Variants in MAGI2 observed in about 807,000 individuals in gnomAD.
The protein encoded by MAGI2 is membrane-associated guanylate kinase, WW and PDZ domain-containing protein 2.
A neutral mutation model predicts 133.3 loss-of-function variants in MAGI2; 35 were observed. The ratio of observed to expected loss-of-function variants is 0.26; its 90% CI spans 0.20 to 0.35. MAGI2 has a LOEUF of 0.35. Among genes scored for constraint, MAGI2 ranks in the 10% least tolerant of loss-of-function variants. MAGI2 has a pLI of 1.00. For synonymous variants in MAGI2, 729 were observed against 710.6 expected (o/e 1.03, Z -0.41); for missense variants, 1,636 against 1,863.4 (o/e 0.88, Z 2.25).
intron 20 of MAGI2, among the ~76,000 whole-genome samples, chr7:78,096,425 A>G (rs141417941): frequency 6.6e-6 from 1 of 152,360 alleles, no homozygotes; most frequent in East Asian, 1.9e-4. Flanking sequence ...TGCCTGACAC[A>G]TGGTAAGTTT....
At chr7:78,202,404 C>A (rs546820005) in intron 10 of MAGI2, among the ~76,000 whole-genome samples, 1 of 152,004 alleles carries the variant, frequency 6.6e-6, no homozygotes, top group South Asian at 2.1e-4. Flanking sequence ...TAAACTGGGC[C>A]GGGTGCAGTG....
chr7:78,938,250 A>G (rs955646047), intron 2 of MAGI2, among the ~76,000 whole-genome samples: 1 of 152,134 alleles, frequency 6.6e-6, no homozygotes, highest in African/African-American at 2.4e-5. Context: ...AATGTTATTA[A>G]CATACAAAGA....
intron 1 of MAGI2, chr7:79,030,107 G>C (rs982360073): frequency 2.0e-5 from 3 of 152,196 alleles, no homozygotes; most frequent in African/African-American, 7.2e-5. Context: ...CCTATTTCAA[G>C]TGTAGGTTCT....
chr7:79,142,395 A>T (rs944257641), intron 1 of MAGI2, among the ~76,000 whole-genome samples: 1 of 152,164 alleles, frequency 6.6e-6, no homozygotes, highest in Non-Finnish European at 1.5e-5. Context: ...AAAATGATTG[A>T]GACAGAGTTT....
At chr7:78,214,721 A>G (rs141342094) in intron 10 of MAGI2, among the ~76,000 whole-genome samples, 3 of 152,342 alleles carry the variant, frequency 2.0e-5, no homozygotes, top group Admixed American at 6.5e-5. Flanking sequence ...CTGATTAACA[A>G]TAGTTGTTAC....
intron 2 of MAGI2, among the ~76,000 whole-genome samples, chr7:78,711,462 CT>C: frequency 6.6e-6 from 1 of 151,384 alleles, no homozygotes; most frequent in East Asian, 1.9e-4. Flanking sequence ...TTATAGTCTG[CT>C]TTTGCTCTCT....
intron 1 of MAGI2, among the ~76,000 whole-genome samples, chr7:79,436,177 A>G (rs1295393277): frequency 1.3e-5 from 2 of 150,372 alleles, no homozygotes; most frequent in Non-Finnish European, 3.0e-5. Context: ...GTGAGCCGAG[A>G]TCGTGCCACT....
intron 2 of MAGI2, among the ~76,000 whole-genome samples, chr7:78,808,119 T>C (rs1349670009): frequency 6.6e-6 from 1 of 152,128 alleles, no homozygotes; most frequent in African/African-American, 2.4e-5. Context: ...TTAAGTGATG[T>C]GGTTAGGTAG....
chr7:79,138,129 C>A (rs779073759), intron 1 of MAGI2, among the ~76,000 whole-genome samples: 1 of 152,130 alleles, frequency 6.6e-6, no homozygotes, highest in African/African-American at 2.4e-5. Flanking sequence ...TTGATTTTAG[C>A]CCATATGACT....
intron 2 of MAGI2, among the ~76,000 whole-genome samples, chr7:78,755,792 G>A (rs545331903): frequency 7.2e-5 from 11 of 152,294 alleles, no homozygotes; most frequent in South Asian, 2.1e-4. Flanking sequence ...ACCCAAATAA[G>A]TATGTTCCCC....
chr7:78,083,322 C>A (rs1816191536), intron 20 of MAGI2, among the ~76,000 whole-genome samples: 1 of 128,674 alleles, frequency 7.8e-6, no homozygotes, highest in South Asian at 2.8e-4. Context: ...ATATCGAGTT[C>A]CAGTTGAGAG....
intron 1 of MAGI2, among the ~76,000 whole-genome samples, chr7:79,326,977 A>G (rs1044154784): frequency 1.1e-4 from 17 of 152,204 alleles, no homozygotes; most frequent in African/African-American, 4.1e-4. Flanking sequence ...CACAATCATG[A>G]GTTCAGGGTC....
Position 78,725,679 on chromosome 7 carries a change from G to T in MAGI2, c.419-98440C>A, listed in dbSNP as rs1032954358. ...CCGGGCGTGGTGGCAGGCGCCTGTA[G>T]TCCCAGCTACTTGGGAGGCTGAGGC... On this transcript the variant is annotated intron_variant, in intron 2 of 21. Transcript: ENST00000354212. Among the ~76,000 whole-genome samples, 3 of 152,186 alleles carry T rather than the reference G, an allele frequency of 2.0e-5. No homozygotes were observed. The East Asian group carries it at 5.8e-4, about 29-fold the overall frequency.
intron 2 of MAGI2, among the ~76,000 whole-genome samples, chr7:78,755,341 G>A (rs1363086611): frequency 2.0e-5 from 3 of 152,126 alleles, no homozygotes; most frequent in Non-Finnish European, 2.9e-5. Flanking sequence ...GGAAACATAC[G>A]TACTCGAGTA....
chr7:78,122,287 A>G (rs1820548556), intron 20 of MAGI2, among the ~76,000 whole-genome samples: 1 of 152,222 alleles, frequency 6.6e-6, no homozygotes, highest in East Asian at 1.9e-4. Context: ...TGTTTAATAA[A>G]AACAATATAT....
chr7:78,551,925 TG>T (rs1405242420), intron 3 of MAGI2, among the ~76,000 whole-genome samples: 1 of 152,120 alleles, frequency 6.6e-6, no homozygotes, highest in Non-Finnish European at 1.5e-5. Context: ...TTGTATTTTT[TG>T]TAAAGACAAA....
chr7:78,030,863 A>C (rs987431466), intron 21 of MAGI2, among the ~76,000 whole-genome samples: 7 of 152,176 alleles, frequency 4.6e-5, no homozygotes, highest in African/African-American at 1.7e-4. Flanking sequence ...CAGGAGTCTC[A>C]CTCTGAGGTA....
At position 78,850,132 on chromosome 7, in the gene MAGI2, T is replaced by C. The variant is rs1299490453; in HGVS notation, c.418+156958A>G. 2.0e-5 allele frequency among the ~76,000 whole-genome samples: 3 copies of C among 152,104 alleles called. No individual in the cohort carries two copies. In the East Asian group the frequency reaches 5.8e-4, roughly 29 times the overall value. On this transcript the variant is annotated intron_variant, in intron 2 of 21. Coordinates refer to ENST00000354212, the MANE Select transcript of MAGI2 (RefSeq NM_012301.4). Reference sequence around the variant, plus strand: ...TGAAAATTTCAAATTGAATGGTAAATGTCACTGCAAATGAAGCTGAATAAC... The same window carrying C: ...TGAAAATTTCAAATTGAATGGTAAACGTCACTGCAAATGAAGCTGAATAAC...
chr7:78,876,814 C>T (rs751491431), intron 2 of MAGI2, among the ~76,000 whole-genome samples: 22 of 152,098 alleles, frequency 1.4e-4, no homozygotes, highest in Non-Finnish European at 2.8e-4. Context: ...AATTTTGCTC[C>T]CCATCATTGA....
Sources: allele counts gnomAD v4.1 joint callset (sites outside exome capture counted in the v4.1 genomes callset), GRCh38; gene constraint gnomAD v4.1.1; transcripts MANE v1.5; gene names NCBI Gene and HGNC (gene_info 2026-07-23, HGNC 2026-07-21).